Variants in PKIB observed in about 807,000 individuals in gnomAD.
PKIB encodes the protein cAMP-dependent protein kinase inhibitor beta.
Under a neutral mutation model 4.5 loss-of-function variants are expected in PKIB, and 2 were observed. The ratio of observed to expected loss-of-function variants is 0.44; its 90% confidence interval spans 0.18 to 1.39. PKIB has a LOEUF of 1.39. PKIB is among the 40% of genes most tolerant of loss of function. The probability of loss-of-function intolerance (pLI) is 0.27; values close to 1 mark genes in which losing one functional copy is unlikely to be tolerated. For synonymous variants in PKIB, 38 were observed against 36.0 expected, an observed-to-expected ratio of 1.06 and a Z score of -0.20; for missense variants, 94 against 92.6, an observed-to-expected ratio of 1.02 and a Z score of -0.06.
intron 1 of PKIB, among the ~76,000 whole-genome samples, chr6:122,616,118 T>A (rs1774975405): frequency 6.6e-6 from 1 of 152,098 alleles, no homozygotes. Flanking sequence ...TGAGATCTCC[T>A]ATGGGAAGCA....
At chr6:122,579,935 A>G (rs1198891421) in intron 2 of PKIB, among the ~76,000 whole-genome samples, 2 of 152,208 alleles carry the variant, frequency 1.3e-5, no homozygotes, top group East Asian at 1.9e-4. Context: ...GACATCGTAT[A>G]TAGATACATA....
chr6:122,543,519 A>G (rs1208715389), intron 2 of PKIB, among the ~76,000 whole-genome samples: 1 of 151,900 alleles, frequency 6.6e-6, no homozygotes, highest in African/African-American at 2.4e-5. Flanking sequence ...AGCTGGGATT[A>G]TAGGTGCCTG....
intron 2 of PKIB, among the ~76,000 whole-genome samples, chr6:122,487,309 G>T (rs1775795174): frequency 6.6e-6 from 1 of 152,098 alleles, no homozygotes; most frequent in African/African-American, 2.4e-5. Flanking sequence ...AAGAATGAAA[G>T]TTAGTTAAAT....
rs549856624 is a variant in PKIB, at chr6:122,473,496, A to T, written c.-337+1455A>T. On this transcript the variant is annotated intron_variant, in intron 1 of 6. Transcript: ENST00000392491. ...GTAACACTTGGCCTTGAAATACATTAAAAAAAATTTACTTTTATTTAACCT... is the reference window on the plus strand; with the variant it reads ...GTAACACTTGGCCTTGAAATACATTTAAAAAAATTTACTTTTATTTAACCT... 6.3e-4 allele frequency among the ~76,000 whole-genome samples: 95 copies of T among 151,418 alleles called. 1 individual carries two copies. The highest frequency in any genetic ancestry group is 1.5e-3 in the African/African-American group (63 of 41,380).
intron 2 of PKIB, among the ~76,000 whole-genome samples, chr6:122,662,197 A>G (rs1170818534): frequency 6.8e-6 from 1 of 147,998 alleles, no homozygotes; most frequent in East Asian, 2.1e-4. Flanking sequence ...TTTTATTTTG[A>G]TGAAGTTCAA....
intron 3 of PKIB, among the ~76,000 whole-genome samples, chr6:122,689,498 T>G (rs886524171): frequency 1.3e-5 from 2 of 152,216 alleles, no homozygotes; most frequent in Admixed American, 6.5e-5. Flanking sequence ...TCAATTTCCT[T>G]CTTAATTTCT....
chr6:122,595,914 G>T (rs532761508), intron 3 of PKIB, among the ~76,000 whole-genome samples: 1 of 152,298 alleles, frequency 6.6e-6, no homozygotes, highest in Non-Finnish European at 1.5e-5. Flanking sequence ...GAGGTCACCC[G>T]TTGGTGAGTA....
chr6:122,665,056 C>A (rs953354570), intron 2 of PKIB, among the ~76,000 whole-genome samples: 12 of 152,110 alleles, frequency 7.9e-5, no homozygotes, highest in Admixed American at 1.3e-4. Flanking sequence ...TATATAAATG[C>A]TTCTCCAGTT....
intron 2 of PKIB, chr6:122,480,491 C>CTTT (rs1340206669): frequency 6.6e-6 from 1 of 152,114 alleles, no homozygotes; most frequent in African/African-American, 2.4e-5. Context: ...TGATAAAGAA[C>CTTT]AACTACAATT....
chr6:122,624,028 ATAT>A (rs748979969), intron 1 of PKIB, among the ~76,000 whole-genome samples: 12 of 152,182 alleles, frequency 7.9e-5, no homozygotes, highest in Non-Finnish European at 1.5e-4. Flanking sequence ...ATTATTATAG[ATAT>A]TTTTACTTAT....
intron 2 of PKIB, among the ~76,000 whole-genome samples, chr6:122,673,181 T>A (rs1215435573): frequency 2.1e-5 from 3 of 144,602 alleles, no homozygotes; most frequent in African/African-American, 7.7e-5. Context: ...GTAAAAAAAA[T>A]TAATCATGGA....
chr6:122,626,914 A>AC (rs1316199723), intron 1 of PKIB, among the ~76,000 whole-genome samples: 2 of 152,056 alleles, frequency 1.3e-5, no homozygotes, highest in African/African-American at 4.8e-5. Flanking sequence ...AATTCAAAGG[A>AC]CAATTTAAAT....
At chr6:122,720,301 A>G (rs567109378) in intron 4 of PKIB, among the ~76,000 whole-genome samples, 75 of 152,316 alleles carry the variant, frequency 4.9e-4, no homozygotes, top group African/African-American at 1.7e-3. Flanking sequence ...GTCTTAATCT[A>G]TCCCTTATAA....
chr6:122,511,122 C>T (rs932616736), intron 2 of PKIB, among the ~76,000 whole-genome samples: 12 of 152,174 alleles, frequency 7.9e-5, no homozygotes, highest in Non-Finnish European at 1.8e-4. Context: ...CATCATTTGT[C>T]TGAAAAGGCA....
Position 122,707,452 on chromosome 6 carries a change from T to G in PKIB, c.-8-10335T>G, listed in dbSNP as rs190077189. Among the ~76,000 whole-genome samples the G allele has an allele frequency of 3.9e-4, 60 of 152,186 alleles. 1 individual carries two copies. In the East Asian group the frequency reaches 9.5e-3, roughly 24 times the overall value. On this transcript the variant is annotated intron_variant, in intron 3 of 4. Transcript: ENST00000368452. ...GACATCCTAAGAGTTTTTCTTTAAA[T>G]TGATGAAATAGAAGAAAAAGACACT...
At chr6:122,607,240 A>G (rs1774568809), upstream of PKIB, among the ~76,000 whole-genome samples, 1 of 151,978 alleles carries the variant, frequency 6.6e-6, no homozygotes, top group Non-Finnish European at 1.5e-5. Flanking sequence ...GTGGAAGGCC[A>G]AGACGGGTGG....
At chr6:122,531,342 G>C (rs1777253044) in intron 2 of PKIB, 1 of 152,084 alleles carries the variant, frequency 6.6e-6, no homozygotes, top group Admixed American at 6.6e-5. Context: ...GAAAAGTTTG[G>C]AAGTTCAGGC....
intron 1 of PKIB, among the ~76,000 whole-genome samples, chr6:122,474,102 C>T (rs1291286392): frequency 2.6e-5 from 4 of 152,150 alleles, no homozygotes; most frequent in African/African-American, 7.2e-5. Flanking sequence ...CACTGCACTC[C>T]GGCCTAGGTG....
Position 122,725,419 on chromosome 6 carries a change from A to T in PKIB, c.*224A>T. ...GTTACTTCCAAATCGCACTGAAGGAAAAGGTTAAGAATAATACATGATCAC... is the reference window on the plus strand; with the variant it reads ...GTTACTTCCAAATCGCACTGAAGGATAAGGTTAAGAATAATACATGATCAC... On this transcript the variant is annotated 3_prime_UTR_variant, in exon 5 of 5. Transcript: ENST00000368452. 2.0e-6 allele frequency: 1 copy of T among 506,346 alleles called. No homozygotes were observed. The highest frequency in any genetic ancestry group is 3.6e-6 in the Non-Finnish European group (1 of 278,340). The allele number at this position is 506,346 out of a possible 1,614,324, so 31.4% of individuals were successfully genotyped here. A position where few individuals can be genotyped will look rare whatever the true frequency, so the allele number is the denominator to read the frequency against.
Sources: allele counts gnomAD v4.1 joint callset (sites outside exome capture counted in the v4.1 genomes callset), GRCh38; gene constraint gnomAD v4.1.1; transcripts MANE v1.5; gene names NCBI Gene and HGNC (gene_info 2026-07-23, HGNC 2026-07-21).